ZNF749: variants seen among roughly 807,000 people sequenced by gnomAD.
ZNF749 encodes zinc finger protein 749.
ZNF749 carries 8 observed loss-of-function variants against 7.3 expected under a neutral mutation model. The observed-to-expected ratio is 1.10, with a 90% CI of 0.64 to 1.98. ZNF749 has a LOEUF of 1.98. ZNF749 is among the 30% of genes most tolerant of loss of function. The pLI is 0.00. For synonymous variants in ZNF749, 310 were observed against 322.4 expected (o/e 0.96, Z 0.41); for missense variants, 898 against 932.4 (o/e 0.96, Z 0.48).
rs1307849338 is a variant in ZNF749, at chr19:57,444,412, A to T, written c.1264A>T (p.Lys422Ter). 1.2e-6 allele frequency: 2 copies of T among 1,613,936 alleles called. No individual in the cohort carries two copies. The highest frequency in any genetic ancestry group is 1.7e-6 in the Non-Finnish European group (2 of 1,179,940). Residue 422 changes from lysine (K) to a stop codon, truncating the protein, a stop_gained, in exon 3 of 3, where the codon AAA becomes TAA. Transcript: ENST00000334181. LOFTEE classifies it low-confidence loss of function (END_TRUNC). ...CGAATGTGGGAAAGCCTTTAGCCTC[A>T]AACATAATGTTGTTCAGCATCTGAA... ...CSECGKAFSL[K>*]HNVVQHLKIH...
chr19:57,435,183 C>T (rs1187203099), upstream of ZNF749: 1 of 294,492 alleles, frequency 3.4e-6, no homozygotes, highest in Non-Finnish European at 6.5e-6. Context: ...GTGGGAACTA[C>T]ATTACCCAGA....
upstream of ZNF749, among the ~76,000 whole-genome samples, chr19:57,434,554 A>G (rs1039788092): frequency 6.6e-6 from 1 of 151,448 alleles, no homozygotes; most frequent in African/African-American, 2.4e-5. Flanking sequence ...TCCAATGTAC[A>G]TTTTACATGT....
intron 1 of ZNF749, among the ~76,000 whole-genome samples, chr19:57,437,703 A>G (rs951826206): frequency 5.9e-5 from 9 of 151,284 alleles, no homozygotes; most frequent in Non-Finnish European, 1.3e-4. Flanking sequence ...CAGCCTGGGC[A>G]ACAGGGCGAG....
Position 57,441,957 on chromosome 19 carries a change from A to T in ZNF749, c.88A>T (p.Arg30Ter). 6.2e-7 allele frequency: 1 copy of T among 1,614,198 alleles called. No individual in the cohort carries two copies. The highest frequency in any genetic ancestry group is 8.5e-7 in the Non-Finnish European group (1 of 1,180,028). ...ATGGGGGATCCTTAATGATGCTCAG[A>T]GACACCTGCACAGCAATGTGATGTT... ...EEWGILNDAQRHLHSNVMLEN... is the reference protein window; with the variant it reads ...EEWGILNDAQ The change falls in exon 2 of 3, where the codon AGA becomes TGA. Residue 30 changes from arginine to a stop codon, truncating the protein, a stop_gained. Coordinates refer to ENST00000334181, the MANE Select transcript of ZNF749 (RefSeq NM_001023561.4). LOFTEE classifies it high-confidence loss of function.
rs1051434264 is a variant in ZNF749, at chr19:57,439,003, G to A, written c.16-2882G>A. 1.3e-5 allele frequency among the ~76,000 whole-genome samples: 2 copies of A among 152,172 alleles called. No homozygotes were observed. Among genetic ancestry groups the A allele is most frequent in the African/African-American group, 4.8e-5 (2 of 41,426 alleles). The stretch of plus-strand genomic sequence containing the variant: ...GGAGGTTGGGGCATACAGGGCATGC[G>A]GGATCGGCATGGAATGGCAGTCTAA... On this transcript the variant is annotated intron_variant, in intron 1 of 2. Coordinates refer to ENST00000334181, the MANE Select transcript of ZNF749 (RefSeq NM_001023561.4). The surrounding 1 kb of genome is among the most constrained non-coding windows in gnomAD (Gnocchi z 4.3).
chr19:57,444,165 C>T lies in ZNF749; in HGVS notation c.1017C>T (p.Ser339=). 1.9e-6 allele frequency: 3 copies of T among 1,613,916 alleles called. No homozygotes were observed. Among genetic ancestry groups the T allele is most frequent in the South Asian group, 2.2e-5 (2 of 91,056 alleles). The change falls in exon 3 of 3, where the codon TCC becomes TCT. Residue 339 remains serine, a synonymous_variant. Transcript: ENST00000334181. Reference sequence around the variant, plus strand: ...GTGGGAAGTTTTTTATGTATAACTCCAAACTCATCAGACATCAGAAAGTTC... The same window carrying T: ...GTGGGAAGTTTTTTATGTATAACTCTAAACTCATCAGACATCAGAAAGTTC... The part of the protein sequence containing the change: ...NKCGKFFMYN[S]KLIRHQKVHT...
At position 57,439,218 on chromosome 19, in the gene ZNF749, G is replaced by A. The variant is rs543663170; in HGVS notation, c.16-2667G>A. 6.6e-6 allele frequency among the ~76,000 whole-genome samples: 1 copy of A among 152,258 alleles called. No homozygotes were observed. Among genetic ancestry groups the A allele is most frequent in the Non-Finnish European group, 1.5e-5 (1 of 68,016 alleles). On this transcript the variant is annotated intron_variant, in intron 1 of 2. Transcript: ENST00000334181. This position sits in a 1 kb window ranked among gnomAD's most constrained non-coding sequence, Gnocchi z 4.3. Reference sequence around the variant, plus strand: ...AACAGCCCAGGTGGAGGTTGTTGGTGACTGAACGAGAGTGGCGGTGGTGGA... The same window carrying A: ...AACAGCCCAGGTGGAGGTTGTTGGTAACTGAACGAGAGTGGCGGTGGTGGA...
In ZNF749 at chr19:57,436,921, ATGATAGCCATC is replaced by A. The variant is rs1367073816; in HGVS notation, c.15+1331_15+1341del. Among the ~76,000 whole-genome samples the A allele has an allele frequency of 1.3e-5, 2 of 152,218 alleles. No homozygotes were observed. The highest frequency in any genetic ancestry group is 4.8e-5 in the African/African-American group (2 of 41,460). ...AGAGTTTATTCAAGTTCACATGTTG[ATGATAGCCATC>A]TGGGACCATAGATTCAAGTTGTCCT... On this transcript the variant is annotated intron_variant, in intron 1 of 2. Transcript: ENST00000334181. This position sits in a 1 kb window ranked among gnomAD's most constrained non-coding sequence, Gnocchi z 4.0.
rs751207138 is a variant in ZNF749, at chr19:57,444,821, G to T, written c.1673G>T (p.Cys558Phe). ...GACCTCAGGCCAAGGCCTTATGTGTGTAGTGAATGTGGGAAGGCCTTCCTT... is the reference window on the plus strand; with the variant it reads ...GACCTCAGGCCAAGGCCTTATGTGTTTAGTGAATGTGGGAAGGCCTTCCTT... ...RIDLRPRPYVCSECGKAFLTQ... is the reference protein window; with the variant it reads ...RIDLRPRPYVFSECGKAFLTQ... Residue 558 changes from cysteine (C) to phenylalanine (F), a missense_variant, in exon 3 of 3, where the codon TGT (cysteine) becomes TTT (phenylalanine). By Grantham distance (205) the Cys-to-Phe change is radical (BLOSUM62 -2). Transcript: ENST00000334181. The T allele has an allele frequency of 6.2e-7, 1 of 1,613,966 alleles. No individual in the cohort carries two copies. The highest frequency in any genetic ancestry group is 8.5e-7 in the Non-Finnish European group (1 of 1,179,974).
At position 57,444,482 on chromosome 19, in the gene ZNF749, A is replaced by C. The variant is rs768394536; in HGVS notation, c.1334A>C (p.Lys445Thr). 8 of 1,614,042 alleles carry C rather than the reference A, an allele frequency of 5.0e-6. 1 individual carries two copies. In the South Asian group the frequency reaches 5.5e-5, roughly 11 times the overall value. ...ERPYECTECE[K>T]AFVRKSHLVQ... ...CCTTATGAGTGCACTGAATGTGAGAAGGCCTTTGTTAGAAAGTCCCACCTA... is the reference window on the plus strand; with the variant it reads ...CCTTATGAGTGCACTGAATGTGAGACGGCCTTTGTTAGAAAGTCCCACCTA... The change falls in exon 3 of 3, where the codon AAG (lysine) becomes ACG (threonine). Residue 445 changes from lysine (K) to threonine (T), a missense_variant. Physicochemically the swap from Lys to Thr is moderately conservative, Grantham distance 78. Coordinates refer to ENST00000334181, the MANE Select transcript of ZNF749 (RefSeq NM_001023561.4).
the ZNF749 span, among the ~76,000 whole-genome samples, chr19:57,428,907 C>T: frequency 6.6e-6 from 1 of 152,206 alleles, no homozygotes; most frequent in African/African-American, 2.4e-5. Flanking sequence ...ACTTCACTTA[C>T]AATAAGTCCT....
In ZNF749 at chr19:57,445,406, G is replaced by T. The variant is rs755742405; in HGVS notation, c.2258G>T (p.Cys753Phe). The change falls in exon 3 of 3, where the codon TGT (cysteine) becomes TTT (phenylalanine). Residue 753 changes from cysteine to phenylalanine, a missense_variant. Transcript: ENST00000334181. ...CACACTGGAGAAAGGTCTTATGAGT[G>T]TGGTGAATCCAGCAAAGTGTTTAAA... ...KTHTGERSYE[C>F]GESSKVFKYN... 9 of 1,613,868 alleles carry T rather than the reference G, an allele frequency of 5.6e-6. No homozygotes were observed. The East Asian group carries it at 6.7e-5, about 12-fold the overall frequency.
In ZNF749 at chr19:57,439,567, T is replaced by G. The variant is rs2123096955; in HGVS notation, c.16-2318T>G. ...GTGGGAAGATTGCTTGAGGCCAGCC[T>G]GGGCAACATAGGGAGACTCTGTCCC... is the stretch of plus-strand genomic sequence containing the variant. On this transcript the variant is annotated intron_variant, in intron 1 of 2. Coordinates refer to ENST00000334181, the MANE Select transcript of ZNF749 (RefSeq NM_001023561.4). The surrounding 1 kb of genome is among the most constrained non-coding windows in gnomAD (Gnocchi z 4.3). 6.6e-6 allele frequency among the ~76,000 whole-genome samples: 1 copy of G among 152,028 alleles called. No individual in the cohort carries two copies. Among genetic ancestry groups the G allele is most frequent in the South Asian group, 2.1e-4 (1 of 4,806 alleles).
chr19:57,441,375 C>G (rs1298105691), intron 1 of ZNF749, among the ~76,000 whole-genome samples: 2 of 151,976 alleles, frequency 1.3e-5, no homozygotes, highest in African/African-American at 4.8e-5. Flanking sequence ...CAGTGATTGA[C>G]CCGCTGGATT....
rs1600107552 is a variant in ZNF749, at chr19:57,445,234, C to T, written c.2086C>T (p.His696Tyr). Residue 696 changes from histidine (H) to tyrosine (Y), a missense_variant, in exon 3 of 3, where the codon CAT (histidine) becomes TAT (tyrosine). Physicochemically the swap from His to Tyr is moderately conservative, Grantham distance 83. Coordinates refer to ENST00000334181, the MANE Select transcript of ZNF749 (RefSeq NM_001023561.4). ...TAAAGTTTGCACTGGGGAGAAGCCTCATGAGTGCAGTAAATGTAGGGAATT... is the reference window on the plus strand; with the variant it reads ...TAAAGTTTGCACTGGGGAGAAGCCTTATGAGTGCAGTAAATGTAGGGAATT... ...HHKVCTGEKP[H>Y]ECSKCRELFR... 1 of 1,613,952 alleles carries T rather than the reference C, an allele frequency of 6.2e-7. No homozygotes were observed. The highest frequency in any genetic ancestry group is 8.5e-7 in the Non-Finnish European group (1 of 1,179,888).
At chr19:57,443,009 C>T (rs748721121) in intron 2 of ZNF749, among the ~76,000 whole-genome samples, 1 of 152,220 alleles carries the variant, frequency 6.6e-6, no homozygotes, top group South Asian at 2.1e-4. Context: ...ACACAACCGT[C>T]ATGGCCTGTT....
rs1420808410 is a variant in ZNF749, at chr19:57,445,219, A to G, written c.2071A>G (p.Thr691Ala). 6.2e-7 allele frequency: 1 copy of G among 1,614,068 alleles called. No individual in the cohort carries two copies. The highest frequency in any genetic ancestry group is 8.5e-7 in the Non-Finnish European group (1 of 1,179,914). Residue 691 changes from threonine (T) to alanine (A), a missense_variant, in exon 3 of 3, where the codon ACT (threonine) becomes GCT (alanine). Thr to Ala is a moderately conservative substitution (Grantham distance 58, BLOSUM62 0). Transcript: ENST00000334181. ...STFIKHHKVC[T>A]GEKPHECSKC... ...ATTCATTAAACATCATAAAGTTTGC[A>G]CTGGGGAGAAGCCTCATGAGTGCAG... is the stretch of plus-strand genomic sequence containing the variant.
At chr19:57,432,686 A>G (rs1312374932), upstream of ZNF749, among the ~76,000 whole-genome samples, 1 of 152,102 alleles carries the variant, frequency 6.6e-6, no homozygotes, top group African/African-American at 2.4e-5. Flanking sequence ...TGGATTTGAC[A>G]AGGTGTGAAG....
chr19:57,446,071 GA>G lies in ZNF749; in HGVS notation c.*589del, dbSNP rs1333429525. ...TATCCAGAAGTTTTTTCAACTTAAT[GA>G]AACTAAAACATTATACCCTTTAAAC... is the stretch of plus-strand genomic sequence containing the variant. On this transcript the variant is annotated 3_prime_UTR_variant, in exon 3 of 3. Transcript: ENST00000334181. Among the ~76,000 whole-genome samples the G allele has an allele frequency of 6.6e-6, 1 of 152,102 alleles. No individual in the cohort carries two copies. The highest frequency in any genetic ancestry group is 2.4e-5 in the African/African-American group (1 of 41,398).
Sources: allele counts gnomAD v4.1 joint callset (sites outside exome capture counted in the v4.1 genomes callset), GRCh38; gene constraint gnomAD v4.1.1; non-coding constraint Gnocchi (gnomAD v3.1); transcripts MANE v1.5; gene names NCBI Gene and HGNC (gene_info 2026-07-23, HGNC 2026-07-21).